Variants in GPR158 observed in about 807,000 individuals in gnomAD.
GPR158 encodes G protein-coupled receptor 158, also known as metabotropic glycine receptor.
In GPR158, 30 loss-of-function variants were observed where a neutral mutation model predicts 78.2. The observed-to-expected ratio is 0.38, with a 90% confidence interval of 0.29 to 0.52. The LOEUF is 0.52. Among genes scored for constraint, GPR158 ranks in the 20% least tolerant of loss-of-function variants. The pLI is 0.83. For synonymous variants in GPR158, 581 were observed against 591.1 expected (o/e 0.98, Z 0.25); for missense variants, 1,463 against 1,523.5 (o/e 0.96, Z 0.66).
chr10:25,423,993 T>TC, intron 4 of GPR158, among the ~76,000 whole-genome samples: 1 of 150,716 alleles, frequency 6.6e-6, no homozygotes, highest in East Asian at 2.0e-4. Context: ...TAATTTACAC[T>TC]CCCAACAGTG....
At chr10:25,368,778 C>CACA (rs1833943613) in intron 2 of GPR158, among the ~76,000 whole-genome samples, 1 of 141,078 alleles carries the variant, frequency 7.1e-6, no homozygotes, top group Non-Finnish European at 1.6e-5. Context: ...TGGCCATTTT[C>CACA]ATATTGATTC....
At chr10:25,595,746 T>C (rs1450253551) in intron 9 of GPR158, among the ~76,000 whole-genome samples, 1 of 152,218 alleles carries the variant, frequency 6.6e-6, no homozygotes, top group African/African-American at 2.4e-5. Context: ...ATAGAAGTGA[T>C]TGCTTAATGG....
At chr10:25,351,246 G>A (rs966796372) in intron 2 of GPR158, among the ~76,000 whole-genome samples, 1 of 151,878 alleles carries the variant, frequency 6.6e-6, no homozygotes. Context: ...TTTCAAATAG[G>A]ATATCTAACA....
intron 2 of GPR158, among the ~76,000 whole-genome samples, chr10:25,323,837 C>T (rs1010613473): frequency 3.3e-5 from 5 of 152,128 alleles, no homozygotes; most frequent in Admixed American, 1.3e-4. Flanking sequence ...TAGATGTTTT[C>T]GATAACTTGC....
At chr10:25,509,099 G>A (rs11014583) in intron 5 of GPR158, among the ~76,000 whole-genome samples, 7,261 of 152,192 alleles carry the variant, frequency 0.048, 380 homozygotes, top group African/African-American at 0.13. Flanking sequence ...CCTGTGCATG[G>A]TAGGATGTTT....
At chr10:25,183,196 C>G (rs1157468100) in intron 1 of GPR158, among the ~76,000 whole-genome samples, 1 of 152,096 alleles carries the variant, frequency 6.6e-6, no homozygotes, top group Admixed American at 6.5e-5. Flanking sequence ...AAAACTTGAC[C>G]TATACAAATA....
chr10:25,477,885 T>C (rs977761780), intron 5 of GPR158, among the ~76,000 whole-genome samples: 2 of 152,152 alleles, frequency 1.3e-5, no homozygotes, highest in African/African-American at 4.8e-5. Context: ...TTCAGGAAGC[T>C]TGAAGAATGG....
At chr10:25,469,223 T>A (rs1835461883) in intron 5 of GPR158, among the ~76,000 whole-genome samples, 1 of 152,210 alleles carries the variant, frequency 6.6e-6, no homozygotes, top group Admixed American at 6.5e-5. Context: ...TAAGTACTAT[T>A]TATATGCCAA....
chr10:25,223,776 C>T (rs1853334487), intron 2 of GPR158, among the ~76,000 whole-genome samples: 1 of 152,106 alleles, frequency 6.6e-6, no homozygotes, highest in Non-Finnish European at 1.5e-5. Flanking sequence ...TTATGAATGT[C>T]CACATCATTA....
At chr10:25,580,540 C>T (rs1442898652) in intron 7 of GPR158, among the ~76,000 whole-genome samples, 1 of 149,676 alleles carries the variant, frequency 6.7e-6, no homozygotes, top group Non-Finnish European at 1.5e-5. Context: ...GAAGATTAGG[C>T]TTTATTATGA....
At chr10:25,204,679 A>G (rs143456087) in intron 1 of GPR158, among the ~76,000 whole-genome samples, 2,061 of 152,230 alleles carry the variant, frequency 0.014, 21 homozygotes, top group Non-Finnish European at 0.019. Flanking sequence ...GGATTTTTGC[A>G]TCGATGTTCT....
intron 2 of GPR158, among the ~76,000 whole-genome samples, chr10:25,306,735 C>T (rs1709067177): frequency 6.6e-6 from 1 of 152,148 alleles, no homozygotes; most frequent in Non-Finnish European, 1.5e-5. Context: ...TAGTGGGAGA[C>T]ATCATGTACT....
intron 7 of GPR158, 47 bp downstream of exon 7, chr10:25,572,934 G>A: frequency 2.8e-6 from 3 of 1,085,010 alleles, no homozygotes; most frequent in South Asian, 1.2e-5. Context: ...TTTTTCAGTA[G>A]CATTACAACT....
intron 1 of GPR158, among the ~76,000 whole-genome samples, chr10:25,187,371 C>T (rs1054980341): frequency 1.2e-4 from 19 of 152,154 alleles, no homozygotes; most frequent in African/African-American, 4.6e-4. Context: ...AACATCGATG[C>T]AAAAATCCTC....
intron 4 of GPR158, among the ~76,000 whole-genome samples, chr10:25,442,603 C>A (rs2130590470): frequency 6.6e-6 from 1 of 152,186 alleles, no homozygotes. Flanking sequence ...ACTTCCGGAT[C>A]TTTCCCTACC....
At chr10:25,406,569 T>C (rs1014009042) in intron 3 of GPR158, among the ~76,000 whole-genome samples, 4 of 152,188 alleles carry the variant, frequency 2.6e-5, no homozygotes, top group African/African-American at 9.7e-5. Context: ...AGAACTGTGG[T>C]CAGTGCTATG....
intron 2 of GPR158, among the ~76,000 whole-genome samples, chr10:25,241,341 C>CTCTTTTCTCTTTTCTCTTT (rs1853620964): frequency 9.2e-6 from 1 of 108,926 alleles, no homozygotes; most frequent in African/African-American, 4.2e-5. Context: ...CTTCTCTTTT[C>CTCTTTTCTCTTTTCTCTTT]TCTTTTCTCT....
At chr10:25,582,162 A>G (rs768093142) in intron 7 of GPR158, among the ~76,000 whole-genome samples, 27 of 152,208 alleles carry the variant, frequency 1.8e-4, no homozygotes, top group Non-Finnish European at 2.8e-4. Flanking sequence ...CTACAATTCA[A>G]GATGAGATTT....
chr10:25,288,180 C>T (rs1448286110), intron 2 of GPR158, among the ~76,000 whole-genome samples: 1 of 152,192 alleles, frequency 6.6e-6, no homozygotes, highest in Non-Finnish European at 1.5e-5. Flanking sequence ...AACTCAGGCA[C>T]TGTGAGGTCA....
Sources: allele counts gnomAD v4.1 joint callset (sites outside exome capture counted in the v4.1 genomes callset), GRCh38; gene constraint gnomAD v4.1.1; transcripts MANE v1.5; gene names NCBI Gene and HGNC (gene_info 2026-07-23, HGNC 2026-07-21).